Variants in ZNF804A observed in about 807,000 individuals in gnomAD.
ZNF804A encodes zinc finger protein 804A.
Under a neutral mutation model 16.5 loss-of-function variants are expected in ZNF804A, and 2 were observed. That is an observed-to-expected ratio of 0.12 (90% CI 0.05 to 0.38). The LOEUF is 0.38. Among genes scored for constraint, ZNF804A ranks in the 10% least tolerant of loss-of-function variants. The pLI is 0.99. For synonymous variants in ZNF804A, 534 were observed against 489.6 expected (o/e 1.09, Z -1.20); for missense variants, 1,473 against 1,390.7 (o/e 1.06, Z -0.94).
intron 1 of ZNF804A, among the ~76,000 whole-genome samples, chr2:184,638,347 G>A (rs777399397): frequency 6.6e-6 from 1 of 152,078 alleles, no homozygotes; most frequent in Non-Finnish European, 1.5e-5. Flanking sequence ...AGATTGCATC[G>A]AGGTTCATTG....
At chr2:184,633,905 G>A (rs963594288) in intron 1 of ZNF804A, among the ~76,000 whole-genome samples, 1 of 152,092 alleles carries the variant, frequency 6.6e-6, no homozygotes, top group Non-Finnish European at 1.5e-5. Context: ...CTGCAAAAGT[G>A]AGATATTTTA....
chr2:184,901,448 C>T (rs965488148), intron 2 of ZNF804A, among the ~76,000 whole-genome samples: 3 of 152,098 alleles, frequency 2.0e-5, no homozygotes, highest in African/African-American at 7.2e-5. Flanking sequence ...TGTAGGAATG[C>T]TTCTACATTA....
At chr2:184,853,937 A>T (rs1201096066) in intron 1 of ZNF804A, among the ~76,000 whole-genome samples, 1 of 150,168 alleles carries the variant, frequency 6.7e-6, no homozygotes, top group Non-Finnish European at 1.5e-5. Flanking sequence ...TCATAAAATG[A>T]GTTTGAAGTA....
intron 1 of ZNF804A, among the ~76,000 whole-genome samples, chr2:184,795,555 A>G (rs1574216277): frequency 6.6e-6 from 1 of 152,300 alleles, no homozygotes; most frequent in East Asian, 1.9e-4. Context: ...CAGCAGAAGA[A>G]AGGAAATAAC....
At chr2:184,933,821 T>C in intron 3 of ZNF804A, 88 bp downstream of exon 3, 1 of 1,323,298 alleles carries the variant, frequency 7.6e-7, no homozygotes, top group Non-Finnish European at 1.0e-6. Context: ...CACAAATCTA[T>C]TTATTACTGT....
Position 184,771,202 on chromosome 2 carries a change from A to G in ZNF804A, c.112-95167A>G, listed in dbSNP as rs547186673. On this transcript the variant is annotated intron_variant, in intron 1 of 3. Coordinates refer to ENST00000302277, the MANE Select transcript of ZNF804A (RefSeq NM_194250.2). ...CTAACTATGTGCTTTTAAAATAGTC[A>G]ATACTATTTCAACATTTTTGAAATT... Among the ~76,000 whole-genome samples, 12 of 152,238 alleles carry G rather than the reference A, an allele frequency of 7.9e-5. No individual in the cohort carries two copies. The South Asian group carries it at 2.5e-3, about 32-fold the overall frequency.
At chr2:184,768,896 C>T (rs1694169658) in intron 1 of ZNF804A, among the ~76,000 whole-genome samples, 1 of 151,922 alleles carries the variant, frequency 6.6e-6, no homozygotes, top group Non-Finnish European at 1.5e-5. Context: ...TAAATGTACC[C>T]TTTAGTCGAT....
intron 2 of ZNF804A, among the ~76,000 whole-genome samples, chr2:184,929,558 G>C (rs13391680): frequency 6.6e-6 from 1 of 151,946 alleles, no homozygotes; most frequent in Non-Finnish European, 1.5e-5. Context: ...ATTAAAAACA[G>C]TAAAGTCTAT....
At position 184,599,081 on chromosome 2, in the gene ZNF804A, C is replaced by T; in HGVS notation, c.111+11C>T. On this transcript the variant is annotated intron_variant, in intron 1 of 3. Transcript: ENST00000302277. ...GGGAACAAAACTCTGGTAATCGCTT[C>T]TGTTTTCCTCTCTCTCTCTCTCATA... 2 of 1,556,428 alleles carry T rather than the reference C, an allele frequency of 1.3e-6. No individual in the cohort carries two copies. The highest frequency in any genetic ancestry group is 1.8e-6 in the Non-Finnish European group (2 of 1,136,806).
intron 1 of ZNF804A, among the ~76,000 whole-genome samples, chr2:184,660,813 A>T (rs1317697268): frequency 6.6e-6 from 1 of 152,262 alleles, no homozygotes; most frequent in African/African-American, 2.4e-5. Context: ...AAAGTCACAA[A>T]GCATGGTGCG....
chr2:184,617,722 A>T (rs113176568), intron 1 of ZNF804A, among the ~76,000 whole-genome samples: 2,692 of 151,730 alleles, frequency 0.018, 58 homozygotes, highest in African/African-American at 0.061. Context: ...ATTATTTAAT[A>T]CAGTTTTATA....
At chr2:184,917,218 A>T (rs1263186205) in intron 2 of ZNF804A, among the ~76,000 whole-genome samples, 2 of 152,080 alleles carry the variant, frequency 1.3e-5, no homozygotes, top group African/African-American at 4.8e-5. Flanking sequence ...CCCAAAATTA[A>T]TCTCCAAATA....
chr2:184,762,303 AT>A (rs1403009791), intron 1 of ZNF804A, among the ~76,000 whole-genome samples: 1 of 151,684 alleles, frequency 6.6e-6, no homozygotes, highest in African/African-American at 2.4e-5. Context: ...ATTTCAGGGA[AT>A]ACAGTAATGT....
intron 1 of ZNF804A, among the ~76,000 whole-genome samples, chr2:184,711,544 C>T (rs535746577): frequency 1.3e-5 from 2 of 151,744 alleles, no homozygotes; most frequent in South Asian, 4.2e-4. Flanking sequence ...GCTTTTGTTG[C>T]TTGCACTTTT....
chr2:184,768,358 T>G (rs924148406), intron 1 of ZNF804A, among the ~76,000 whole-genome samples: 11 of 152,082 alleles, frequency 7.2e-5, no homozygotes, highest in African/African-American at 2.7e-4. Flanking sequence ...TACTGCAATG[T>G]TTTAATTATA....
chr2:184,905,545 C>T (rs1685257650), intron 2 of ZNF804A, among the ~76,000 whole-genome samples: 1 of 152,048 alleles, frequency 6.6e-6, no homozygotes. Context: ...TACCGATTAT[C>T]TCAGTTTCAT....
intron 1 of ZNF804A, among the ~76,000 whole-genome samples, chr2:184,667,069 G>C (rs929378870): frequency 6.6e-6 from 1 of 151,908 alleles, no homozygotes; most frequent in Non-Finnish European, 1.5e-5. Flanking sequence ...AATTTATTTT[G>C]TGGAATGTAT....
chr2:184,674,646 G>A (rs1265288425), intron 1 of ZNF804A, among the ~76,000 whole-genome samples: 1 of 151,718 alleles, frequency 6.6e-6, no homozygotes, highest in African/African-American at 2.4e-5. Flanking sequence ...AAAAACAGTA[G>A]GATGGGATGG....
chr2:184,846,801 G>A (rs1695523071), intron 1 of ZNF804A, among the ~76,000 whole-genome samples: 1 of 152,028 alleles, frequency 6.6e-6, no homozygotes, highest in South Asian at 2.1e-4. Flanking sequence ...ACTGGTCACA[G>A]GCTACTTCTT....
Sources: gnomAD v4.1 joint callset for allele counts (sites outside exome capture counted in the v4.1 genomes callset) on GRCh38, gnomAD v4.1.1 for gene constraint, MANE v1.5 for transcripts, NCBI Gene and HGNC (gene_info 2026-07-23, HGNC 2026-07-21) for gene names.